Variants in TMEM170B observed in about 807,000 individuals in gnomAD.
TMEM170B encodes transmembrane protein 170B.
Under a neutral mutation model 13.0 loss-of-function variants are expected in TMEM170B, and 6 were observed. The observed-to-expected ratio is 0.46, with a 90% CI of 0.25 to 0.91. The LOEUF (loss-of-function observed/expected upper bound fraction) is 0.91. Among genes scored for constraint, TMEM170B ranks in the 40% least tolerant of loss-of-function variants. TMEM170B has a pLI of 0.17. For missense variants in TMEM170B, 138 were observed against 165.2 expected, an observed-to-expected ratio of 0.84 and a Z score of 0.90; for synonymous variants, 61 against 64.9, an observed-to-expected ratio of 0.94 and a Z score of 0.29.
intron 1 of TMEM170B, among the ~76,000 whole-genome samples, chr6:11,563,099 G>A (rs1472021098): frequency 6.6e-6 from 1 of 152,088 alleles, no homozygotes; most frequent in Non-Finnish European, 1.5e-5. Flanking sequence ...CACTTTGAGA[G>A]GCCAAGGTGG....
At chr6:11,565,006 GAC>G (rs1361336660) in intron 1 of TMEM170B, among the ~76,000 whole-genome samples, 1 of 152,214 alleles carries the variant, frequency 6.6e-6, no homozygotes, top group Non-Finnish European at 1.5e-5. Flanking sequence ...ATGAATGTGA[GAC>G]AGAGAATGAA....
Position 11,565,805 on chromosome 6 carries a change from T to C in TMEM170B, c.237T>C (p.Phe79=), listed in dbSNP as rs186168655. ...CTGTCATTGCAGTCAGCATTGGATTTCTGGCTTCTGTAACTGGAGCGATGA... is the reference window on the plus strand; with the variant it reads ...CTGTCATTGCAGTCAGCATTGGATTCCTGGCTTCTGTAACTGGAGCGATGA... ...VISVIAVSIG[F]LASVTGAMIT... is the part of the protein sequence containing the mutation. The change falls in exon 2 of 3, where the codon TTT becomes TTC. Residue 79 remains phenylalanine (F), a synonymous_variant. Transcript: ENST00000379426. 12 of 1,614,182 alleles carry C rather than the reference T, an allele frequency of 7.4e-6. No individual in the cohort carries two copies. The African/African-American group carries it at 1.5e-4, about 20-fold the overall frequency.
rs540375735 is a variant in TMEM170B, at chr6:11,581,043, C to A, written c.*5482C>A. On this transcript the variant is annotated 3_prime_UTR_variant, in exon 3 of 3. Transcript: ENST00000379426. ...ATCCATGAATTTGGGGGAAATAATGCTTAATATCTGAAGTATTTTCAGTAA... is the reference window on the plus strand; with the variant it reads ...ATCCATGAATTTGGGGGAAATAATGATTAATATCTGAAGTATTTTCAGTAA... The A allele has an allele frequency of 6.6e-6, 1 of 152,248 alleles. No homozygotes were observed. Among genetic ancestry groups the A allele is most frequent in the East Asian group, 1.9e-4 (1 of 5,182 alleles). 9.4% of individuals were successfully genotyped at this position (152,248 alleles called of 1,614,324 possible).
At chr6:11,563,401 C>T (rs1391870468) in intron 1 of TMEM170B, among the ~76,000 whole-genome samples, 1 of 152,112 alleles carries the variant, frequency 6.6e-6, no homozygotes, top group Non-Finnish European at 1.5e-5. Flanking sequence ...CCACACCAAG[C>T]AGTTCTCTAG....
intron 1 of TMEM170B, among the ~76,000 whole-genome samples, chr6:11,550,478 CT>C (rs889169994): frequency 3.3e-4 from 49 of 147,346 alleles, no homozygotes; most frequent in Middle Eastern, 7.0e-3. Context: ...CAGCCAATTT[CT>C]TTTTTTTTTA....
In TMEM170B at chr6:11,575,303, G is replaced by A. The variant is rs777016520; in HGVS notation, c.269-128G>A. 229 of 1,285,332 alleles carry A rather than the reference G, an allele frequency of 1.8e-4. No individual in the cohort carries two copies. Among genetic ancestry groups the A allele is most frequent in the Admixed American group, 2.8e-4 (12 of 43,444 alleles). 79.6% of individuals were successfully genotyped at this position (1,285,332 alleles called of 1,614,324 possible). On this transcript the variant is annotated intron_variant, in intron 2 of 2. Transcript: ENST00000379426. This position sits in a 1 kb window ranked among gnomAD's most constrained non-coding sequence, Gnocchi z 4.1. ...TCACAGGGAAACTTTTTCATAGAAAGTGGATAAAATGAGAAAAAAATGATG... is the reference window on the plus strand; with the variant it reads ...TCACAGGGAAACTTTTTCATAGAAAATGGATAAAATGAGAAAAAAATGATG...
At chr6:11,574,160 T>C (rs1206861788) in intron 2 of TMEM170B, among the ~76,000 whole-genome samples, 1 of 152,156 alleles carries the variant, frequency 6.6e-6, no homozygotes, top group East Asian at 1.9e-4. Context: ...TCTGTTTTTT[T>C]CATCTTTAAA....
chr6:11,538,212 C>A lies in TMEM170B; in HGVS notation c.-66C>A. ...GAGCCGCGCACCCGCCGCCGCCCCC[C>A]GAGCCTCGCAGCCGCCGCCGCCGCC... On this transcript the variant is annotated 5_prime_UTR_variant, in exon 1 of 3. Transcript: ENST00000379426. The A allele has an allele frequency of 1.2e-6, 1 of 837,472 alleles. No individual in the cohort carries two copies. Among genetic ancestry groups the A allele is most frequent in the Non-Finnish European group, 1.5e-6 (1 of 654,152 alleles). 51.9% of individuals were successfully genotyped at this position (837,472 alleles called of 1,614,324 possible).
intron 1 of TMEM170B, among the ~76,000 whole-genome samples, chr6:11,561,268 C>T (rs1259477626): frequency 1.3e-5 from 2 of 152,168 alleles, no homozygotes; most frequent in Admixed American, 6.5e-5. Flanking sequence ...GCAAAAGTCT[C>T]TCTGGCTTCC....
chr6:11,539,648 A>G (rs1426613964), intron 1 of TMEM170B, among the ~76,000 whole-genome samples: 1 of 152,248 alleles, frequency 6.6e-6, no homozygotes, highest in Admixed American at 6.5e-5. Context: ...GACTGACTTT[A>G]CATGATGATT....
intron 1 of TMEM170B, among the ~76,000 whole-genome samples, chr6:11,555,077 T>C (rs920490268): frequency 6.6e-6 from 1 of 152,172 alleles, no homozygotes; most frequent in African/African-American, 2.4e-5. Flanking sequence ...TTCTGGCAGT[T>C]GATTCTCTGA....
intron 1 of TMEM170B, among the ~76,000 whole-genome samples, chr6:11,565,115 A>T (rs181802926): frequency 6.0e-4 from 92 of 152,066 alleles, no homozygotes; most frequent in African/African-American, 2.0e-3. Context: ...AAAGTTCTGG[A>T]TAAGGAACAC....
At position 11,578,265 on chromosome 6, in the gene TMEM170B, G is replaced by C. The variant is rs1359885704; in HGVS notation, c.*2704G>C. ...GACAAAAGTCCTTATTGATGTATTT[G>C]GGTTATATACTTTGTTAAAATTCGT... On this transcript the variant is annotated 3_prime_UTR_variant, in exon 3 of 3. Transcript: ENST00000379426. The C allele has an allele frequency of 1.3e-5, 2 of 151,978 alleles. No homozygotes were observed. Among genetic ancestry groups the C allele is most frequent in the Non-Finnish European group, 2.9e-5 (2 of 67,962 alleles). The allele number at this position is 151,978 out of a possible 1,614,324, so 9.4% of individuals were successfully genotyped here.
chr6:11,565,275 A>G (rs1208847113), intron 1 of TMEM170B, among the ~76,000 whole-genome samples: 1 of 152,244 alleles, frequency 6.6e-6, no homozygotes, highest in African/African-American at 2.4e-5. Context: ...ATTACAAGGT[A>G]GTTAAAAACA....
intron 1 of TMEM170B, among the ~76,000 whole-genome samples, chr6:11,562,545 A>G (rs1010432055): frequency 6.6e-6 from 1 of 151,942 alleles, no homozygotes; most frequent in Non-Finnish European, 1.5e-5. Flanking sequence ...GGTAAAGCTG[A>G]TTTTAAAAAA....
At chr6:11,564,805 A>G (rs1759714033) in intron 1 of TMEM170B, among the ~76,000 whole-genome samples, 2 of 152,122 alleles carry the variant, frequency 1.3e-5, no homozygotes, top group African/African-American at 4.8e-5. Context: ...CAGCTACCCA[A>G]AGAGCAAGGA....
rs1211430327 is a variant in TMEM170B, at chr6:11,537,947, C to T, written c.-331C>T. On this transcript the variant is annotated 5_prime_UTR_variant, in exon 1 of 3. Transcript: ENST00000379426. ...GTCCAGTCCCCGCGGCGCGGCGCTGCCCCTGAGAGGGAGCGGCGGCGGCCT... is the reference window on the plus strand; with the variant it reads ...GTCCAGTCCCCGCGGCGCGGCGCTGTCCCTGAGAGGGAGCGGCGGCGGCCT... Among the ~76,000 whole-genome samples, 5 of 151,578 alleles carry T rather than the reference C, an allele frequency of 3.3e-5. No individual in the cohort carries two copies. The highest frequency in any genetic ancestry group is 5.9e-5 in the Non-Finnish European group (4 of 67,794).
intron 1 of TMEM170B, among the ~76,000 whole-genome samples, chr6:11,540,484 T>G (rs907113787): frequency 6.6e-6 from 1 of 152,172 alleles, no homozygotes; most frequent in Non-Finnish European, 1.5e-5. Flanking sequence ...CATTCAAACT[T>G]TATCATGAGA....
chr6:11,545,229 G>T (rs1759418025), intron 1 of TMEM170B, among the ~76,000 whole-genome samples: 1 of 151,226 alleles, frequency 6.6e-6, no homozygotes. Flanking sequence ...GCATTGGGAG[G>T]CTGGGAATTC....
Sources: gnomAD v4.1 joint callset for allele counts (sites outside exome capture counted in the v4.1 genomes callset) on GRCh38, gnomAD v4.1.1 for gene constraint, Gnocchi (gnomAD v3.1) non-coding constraint, MANE v1.5 for transcripts, NCBI Gene and HGNC (gene_info 2026-07-23, HGNC 2026-07-21) for gene names.